CHST3: variants seen among roughly 807,000 people sequenced by gnomAD.
CHST3 encodes the protein C6ST-1.
A neutral mutation model predicts 35.4 loss-of-function variants in CHST3; 20 were observed. The ratio of observed to expected loss-of-function variants is 0.57; its 90% CI spans 0.40 to 0.82. The LOEUF is 0.82. Ranked by LOEUF, CHST3 falls within the 40% of genes least tolerant of loss-of-function variation. The pLI, the probability that CHST3 is intolerant of heterozygous loss-of-function variation, is 0.00. For synonymous variants in CHST3, 334 were observed against 295.9 expected (o/e 1.13, Z -1.32); for missense variants, 693 against 670.1 (o/e 1.03, Z -0.38).
chr10:72,005,893 C>A lies in CHST3; in HGVS notation c.51C>A (p.Ser17Arg). 2 of 1,614,214 alleles carry A rather than the reference C, an allele frequency of 1.2e-6. No individual in the cohort carries two copies. The highest frequency in any genetic ancestry group is 1.7e-6 in the Non-Finnish European group (2 of 1,180,046). ...LPQDCRDFVHSLKMRSKYALF... is the reference protein window; with the variant it reads ...LPQDCRDFVHRLKMRSKYALF... ...AGGACTGCCGGGACTTTGTGCACAG[C>A]CTGAAGATGAGAAGCAAATACGCCC... Residue 17 changes from serine (S) to arginine (R), a missense_variant, in exon 2 of 3, where the codon AGC becomes AGA. Transcript: ENST00000373115.
intron 1 of CHST3, among the ~76,000 whole-genome samples, chr10:72,005,493 T>A (rs766921625): frequency 4.6e-5 from 7 of 152,194 alleles, no homozygotes; most frequent in Non-Finnish European, 1.0e-4. Context: ...TGCACAGGCC[T>A]TTGATGTGTG....
intron 1 of CHST3, among the ~76,000 whole-genome samples, chr10:71,980,716 T>C (rs1839792650): frequency 6.6e-6 from 1 of 152,192 alleles, no homozygotes; most frequent in Non-Finnish European, 1.5e-5. Flanking sequence ...CCCACCCTCC[T>C]GGGGTGTTTT....
chr10:71,999,612 C>G (rs910120922), intron 1 of CHST3, among the ~76,000 whole-genome samples: 4 of 152,246 alleles, frequency 2.6e-5, no homozygotes, highest in Non-Finnish European at 4.4e-5. Flanking sequence ...CTGCCTGATG[C>G]AATGTCTGGC....
chr10:71,998,948 C>T (rs1260586516), intron 1 of CHST3, among the ~76,000 whole-genome samples: 2 of 152,274 alleles, frequency 1.3e-5, no homozygotes, highest in Middle Eastern at 3.4e-3. Flanking sequence ...GGCATTCATT[C>T]ACTTCCCGTT....
chr10:71,997,611 G>T (rs1839952877), intron 1 of CHST3, among the ~76,000 whole-genome samples: 1 of 151,826 alleles, frequency 6.6e-6, no homozygotes, highest in South Asian at 2.1e-4. Flanking sequence ...CAGGTGTATG[G>T]TTACCAAAAA....
At chr10:71,997,435 T>C (rs1230438882) in intron 1 of CHST3, among the ~76,000 whole-genome samples, 1 of 152,188 alleles carries the variant, frequency 6.6e-6, no homozygotes, top group Non-Finnish European at 1.5e-5. Flanking sequence ...TCTACCTCTC[T>C]GCCACTGCCT....
At chr10:71,978,444 C>G (rs1319371015) in intron 1 of CHST3, among the ~76,000 whole-genome samples, 1 of 152,128 alleles carries the variant, frequency 6.6e-6, no homozygotes, top group Admixed American at 6.5e-5. Context: ...ATTCCTAACC[C>G]CGTGCTGCCA....
intron 1 of CHST3, among the ~76,000 whole-genome samples, chr10:72,000,511 TAGA>T (rs1306271275): frequency 6.9e-6 from 1 of 144,922 alleles, no homozygotes; most frequent in African/African-American, 2.4e-5. Flanking sequence ...CCTGATTGCT[TAGA>T]AGGAGCCAGC....
intron 1 of CHST3, among the ~76,000 whole-genome samples, chr10:71,983,504 G>A (rs547479122): frequency 2.0e-5 from 3 of 152,184 alleles, no homozygotes; most frequent in Non-Finnish European, 4.4e-5. Context: ...AGGCTAGAGT[G>A]CAGTGGCTCA....
At chr10:71,975,016 C>T (rs558570728) in intron 1 of CHST3, among the ~76,000 whole-genome samples, 2 of 152,162 alleles carry the variant, frequency 1.3e-5, no homozygotes, top group African/African-American at 2.4e-5. Context: ...AAGCCTGTGT[C>T]GAGCTTTTAG....
chr10:71,965,038 C>CACAGTCTCTACAGCA (rs1406929334), intron 1 of CHST3, among the ~76,000 whole-genome samples: 2 of 152,192 alleles, frequency 1.3e-5, no homozygotes, highest in Non-Finnish European at 2.9e-5. Flanking sequence ...ACAGCAGGCA[C>CACAGTCTCTACAGCA]GTCCTCACAC....
intron 1 of CHST3, among the ~76,000 whole-genome samples, chr10:71,977,448 AT>A (rs10554998): frequency 0.15 from 18,846 of 128,802 alleles, 1,105 homozygotes; most frequent in African/African-American, 0.2. Flanking sequence ...CCTAAGCTCG[AT>A]TTTTTTTTTT....
chr10:71,975,545 G>A (rs1839736809), intron 1 of CHST3, among the ~76,000 whole-genome samples: 1 of 152,252 alleles, frequency 6.6e-6, no homozygotes, highest in South Asian at 2.1e-4. Flanking sequence ...AGAACATCCA[G>A]CTTCACTGGC....
intron 1 of CHST3, among the ~76,000 whole-genome samples, chr10:71,971,519 G>A (rs115955453): frequency 3.5e-4 from 53 of 152,248 alleles, no homozygotes; most frequent in African/African-American, 1.2e-3. Flanking sequence ...ACAGCTACCT[G>A]AGATTTAGCC....
chr10:71,967,424 C>T (rs1243931777), intron 1 of CHST3, among the ~76,000 whole-genome samples: 1 of 152,218 alleles, frequency 6.6e-6, no homozygotes, highest in Non-Finnish European at 1.5e-5. Context: ...GAGCATGGGG[C>T]ACTTGATTTT....
At chr10:71,996,451 C>T (rs1002515685) in intron 1 of CHST3, among the ~76,000 whole-genome samples, 51 of 146,490 alleles carry the variant, frequency 3.5e-4, no homozygotes, top group African/African-American at 1.2e-3. Context: ...TGTGTCTCTG[C>T]GTGTGTGTGT....
chr10:71,978,071 C>G (rs1316827313), intron 1 of CHST3, among the ~76,000 whole-genome samples: 1 of 152,176 alleles, frequency 6.6e-6, no homozygotes, highest in Non-Finnish European at 1.5e-5. Context: ...CAGTCACTTG[C>G]CCGGTCACAC....
chr10:71,970,700 C>G (rs1206289335), intron 1 of CHST3, among the ~76,000 whole-genome samples: 8 of 152,216 alleles, frequency 5.3e-5, no homozygotes, highest in Admixed American at 4.6e-4. Context: ...CAGACGGTGA[C>G]GTCTTGGTTG....
intron 1 of CHST3, among the ~76,000 whole-genome samples, chr10:71,976,042 C>G (rs1001857027): frequency 6.6e-6 from 1 of 152,214 alleles, no homozygotes; most frequent in Non-Finnish European, 1.5e-5. Context: ...CCAGCTTGCC[C>G]TCTGACACTG....
Sources: allele counts gnomAD v4.1 joint callset (sites outside exome capture counted in the v4.1 genomes callset), GRCh38; gene constraint gnomAD v4.1.1; transcripts MANE v1.5; gene names NCBI Gene and HGNC (gene_info 2026-07-23, HGNC 2026-07-21).